GABBR2: variants seen among roughly 807,000 people sequenced by gnomAD.
GABBR2 encodes gamma-aminobutyric acid type B receptor subunit 2, also known as G-protein coupled receptor 51.
A neutral mutation model predicts 105.6 loss-of-function variants in GABBR2; 23 were observed. The observed-to-expected ratio is 0.22, with a 90% CI of 0.16 to 0.31. GABBR2 has a LOEUF of 0.31. GABBR2 is among the 10% of genes least tolerant of loss of function. The pLI is 1.00. For missense variants in GABBR2, 734 were observed against 1,245.5 expected (o/e 0.59, Z 6.18); for synonymous variants, 478 against 499.7 (o/e 0.96, Z 0.58).
chr9:98,345,310 C>G (rs1279893192), intron 13 of GABBR2, among the ~76,000 whole-genome samples: 1 of 152,170 alleles, frequency 6.6e-6, no homozygotes, highest in Non-Finnish European at 1.5e-5. Flanking sequence ...GATGAGATAT[C>G]TTTAATTTTG....
intron 1 of GABBR2, among the ~76,000 whole-genome samples, chr9:98,703,585 T>C (rs1830859025): frequency 6.6e-6 from 1 of 152,062 alleles, no homozygotes; most frequent in African/African-American, 2.4e-5. Context: ...CTTTACCTCC[T>C]AGGCTCTAGC....
At chr9:98,375,618 G>A (rs1018142788) in intron 11 of GABBR2, among the ~76,000 whole-genome samples, 2 of 152,348 alleles carry the variant, frequency 1.3e-5, no homozygotes, top group Non-Finnish European at 1.5e-5. Flanking sequence ...GAAGACCACA[G>A]AGAGAACTGG....
chr9:98,326,617 A>G lies in GABBR2; in HGVS notation c.1894-15412T>C, dbSNP rs149061883. ...GGCCTGCTGCCTTGTGTTGTGGTCC[A>G]GAACACAGAGTTGCCTCATGGAAGA... On this transcript the variant is annotated intron_variant, in intron 13 of 18. Transcript: ENST00000259455. Among the ~76,000 whole-genome samples the G allele has an allele frequency of 1.6e-4, 24 of 152,376 alleles. No individual in the cohort carries two copies. In the East Asian group the frequency reaches 3.9e-3, roughly 24 times the overall value.
intron 3 of GABBR2, among the ~76,000 whole-genome samples, chr9:98,532,684 T>G (rs547740062): frequency 6.6e-6 from 1 of 152,300 alleles, no homozygotes; most frequent in South Asian, 2.1e-4. Context: ...ATCATAAAGC[T>G]GAGCCCATCC....
chr9:98,503,900 A>G (rs987064904), intron 3 of GABBR2, among the ~76,000 whole-genome samples: 3 of 152,202 alleles, frequency 2.0e-5, no homozygotes, highest in African/African-American at 4.8e-5. Flanking sequence ...CCTCTGGGAT[A>G]GGACCCAGGC....
chr9:98,339,404 A>G (rs1831171440), intron 13 of GABBR2, among the ~76,000 whole-genome samples: 1 of 152,160 alleles, frequency 6.6e-6, no homozygotes, highest in African/African-American at 2.4e-5. Context: ...CTATGATTAC[A>G]TCCACCACCA....
intron 17 of GABBR2, among the ~76,000 whole-genome samples, chr9:98,295,452 G>A (rs1392245005): frequency 1.3e-5 from 2 of 152,086 alleles, no homozygotes; most frequent in Admixed American, 1.3e-4. Flanking sequence ...ACATGAGTTA[G>A]ATAAGCTTCC....
chr9:98,560,016 A>G (rs1044415670), intron 2 of GABBR2, among the ~76,000 whole-genome samples: 2 of 151,832 alleles, frequency 1.3e-5, no homozygotes, highest in African/African-American at 2.4e-5. Context: ...ACACTTGCTC[A>G]TATTTTCAAT....
At chr9:98,473,671 A>G (rs1826733037) in intron 5 of GABBR2, among the ~76,000 whole-genome samples, 1 of 152,218 alleles carries the variant, frequency 6.6e-6, no homozygotes, top group Non-Finnish European at 1.5e-5. Context: ...AAATTTCACC[A>G]TGAACTTCCC....
intron 3 of GABBR2, among the ~76,000 whole-genome samples, chr9:98,531,844 C>T (rs1440153053): frequency 6.6e-6 from 1 of 152,148 alleles, no homozygotes; most frequent in Non-Finnish European, 1.5e-5. Flanking sequence ...ATTGCCAGTC[C>T]CACTCCCCAC....
At chr9:98,430,045 G>C (rs1825773549) in intron 7 of GABBR2, among the ~76,000 whole-genome samples, 1 of 152,146 alleles carries the variant, frequency 6.6e-6, no homozygotes, top group African/African-American at 2.4e-5. Context: ...CCAGCCCTTT[G>C]GGAGGCCGAG....
chr9:98,356,189 C>G (rs1831480759), intron 13 of GABBR2, among the ~76,000 whole-genome samples: 1 of 152,098 alleles, frequency 6.6e-6, no homozygotes, highest in Non-Finnish European at 1.5e-5. Flanking sequence ...AAGTAATAAG[C>G]TCGATTTCAT....
intron 7 of GABBR2, among the ~76,000 whole-genome samples, chr9:98,424,131 C>T (rs1175057222): frequency 2.6e-5 from 4 of 152,126 alleles, no homozygotes; most frequent in African/African-American, 9.7e-5. Flanking sequence ...GCTTATCCAC[C>T]ATGATCAAGT....
chr9:98,637,837 TTGTGTTTG>T (rs1289565738), intron 1 of GABBR2, among the ~76,000 whole-genome samples: 2 of 152,184 alleles, frequency 1.3e-5, no homozygotes, highest in African/African-American at 4.8e-5. Flanking sequence ...GATAATAAAG[TTGTGTTTG>T]TTCAAGCCAC....
chr9:98,677,421 A>G (rs1016766487), intron 1 of GABBR2, among the ~76,000 whole-genome samples: 4 of 152,204 alleles, frequency 2.6e-5, no homozygotes, highest in African/African-American at 9.6e-5. Context: ...ATAGGCATTC[A>G]AGCAGTTTTG....
At chr9:98,462,606 A>G (rs1733700597) in intron 6 of GABBR2, among the ~76,000 whole-genome samples, 1 of 152,204 alleles carries the variant, frequency 6.6e-6, no homozygotes, top group Non-Finnish European at 1.5e-5. Context: ...CAAGACACCA[A>G]CCACTACACA....
At chr9:98,459,606 A>G (rs1429931588) in intron 6 of GABBR2, among the ~76,000 whole-genome samples, 3 of 152,262 alleles carry the variant, frequency 2.0e-5, no homozygotes, top group South Asian at 4.1e-4. Flanking sequence ...TTTACTTAAA[A>G]TATTTGATAA....
chr9:98,466,030 C>T (rs1826543953), intron 6 of GABBR2, among the ~76,000 whole-genome samples: 1 of 152,184 alleles, frequency 6.6e-6, no homozygotes, highest in Non-Finnish European at 1.5e-5. Context: ...TAGCACCTCC[C>T]CCTTTGCTCT....
At chr9:98,517,979 T>TG (rs772865212) in intron 3 of GABBR2, among the ~76,000 whole-genome samples, 1 of 151,726 alleles carries the variant, frequency 6.6e-6, no homozygotes, top group Non-Finnish European at 1.5e-5. Context: ...GGGAGCCCAG[T>TG]AGGAGTTAGG....
Sources: gnomAD v4.1 joint callset for allele counts (sites outside exome capture counted in the v4.1 genomes callset) on GRCh38, gnomAD v4.1.1 for gene constraint, MANE v1.5 for transcripts, NCBI Gene and HGNC (gene_info 2026-07-23, HGNC 2026-07-21) for gene names.